The following MACROD2 variants were observed in gnomAD, a reference collection of about 807,000 sequenced individuals.
The protein encoded by MACROD2 is ADP-ribose glycohydrolase MACROD2.
A neutral mutation model predicts 70.4 loss-of-function variants in MACROD2; 36 were observed. The observed-to-expected ratio is 0.51, with a 90% CI of 0.39 to 0.68. The LOEUF is 0.68. Among genes scored for constraint, MACROD2 ranks in the 30% least tolerant of loss-of-function variants. The pLI, the probability that MACROD2 is intolerant of heterozygous loss-of-function variation, is 0.00. For missense variants in MACROD2, 496 were observed against 538.4 expected (o/e 0.92, Z 0.78); for synonymous variants, 172 against 178.8 (o/e 0.96, Z 0.30).
intron 5 of MACROD2, among the ~76,000 whole-genome samples, chr20:14,883,633 G>GTTTACTT (rs1407411862): frequency 6.6e-6 from 1 of 151,886 alleles, no homozygotes; most frequent in African/African-American, 2.4e-5. Context: ...ACAAAGAGTT[G>GTTTACTT]TTTACTTTCC....
intron 8 of MACROD2, among the ~76,000 whole-genome samples, chr20:15,526,808 C>A (rs1230140199): frequency 6.6e-6 from 1 of 152,086 alleles, no homozygotes; most frequent in African/African-American, 2.4e-5. Context: ...AGAGGATGCC[C>A]TTCTTTCCTA....
At chr20:15,909,745 G>A (rs6080015) in intron 10 of MACROD2, among the ~76,000 whole-genome samples, 1 of 151,626 alleles carries the variant, frequency 6.6e-6, no homozygotes, top group Admixed American at 6.6e-5. Context: ...GGATGGTCTC[G>A]ATCTCCTGAC....
chr20:14,974,535 T>G (rs2074720903), intron 5 of MACROD2, among the ~76,000 whole-genome samples: 1 of 152,128 alleles, frequency 6.6e-6, no homozygotes, highest in Admixed American at 6.5e-5. Flanking sequence ...TATCTGGGCC[T>G]TAGTGGCTGA....
At chr20:15,257,857 GTATTCCAGAAGA>G (rs2077213134) in intron 6 of MACROD2, among the ~76,000 whole-genome samples, 1 of 151,904 alleles carries the variant, frequency 6.6e-6, no homozygotes, top group Non-Finnish European at 1.5e-5. Context: ...CCTTCTGGAG[GTATTCCAGAAGA>G]AGGCACTGTT....
rs1568839692 is a variant in MACROD2 at position 14,862,239 on chromosome 20, ATT to A, written c.418+177282_418+177283del. ...TATATATAAATATATATAAATATATATTTATATATTAATATATATAAATATAT... is the reference window on the plus strand; with the variant it reads ...TATATATAAATATATATAAATATATATATATATTAATATATATAAATATAT... On this transcript the variant is annotated intron_variant, in intron 5 of 17. Transcript: ENST00000684519. Among the ~76,000 whole-genome samples the A allele has an allele frequency of 9.4e-5, 5 of 52,966 alleles. 1 individual carries two copies. The highest frequency in any genetic ancestry group is 2.4e-4 in the African/African-American group (3 of 12,472). The allele number at this position is 52,966 out of a possible 152,430, so 34.7% of individuals were successfully genotyped here.
chr20:15,037,008 G>GT (rs1458599705), intron 5 of MACROD2, among the ~76,000 whole-genome samples: 18 of 151,946 alleles, frequency 1.2e-4, no homozygotes, highest in South Asian at 8.3e-4. Context: ...TTTTTAATAA[G>GT]TTTTTTATTA....
At chr20:15,763,464 A>G (rs1379307153) in intron 8 of MACROD2, among the ~76,000 whole-genome samples, 3 of 152,228 alleles carry the variant, frequency 2.0e-5, no homozygotes, top group African/African-American at 4.8e-5. Context: ...ACACACACAT[A>G]CACACAAACA....
At chr20:15,764,026 G>A (rs2051481340) in intron 8 of MACROD2, among the ~76,000 whole-genome samples, 1 of 152,306 alleles carries the variant, frequency 6.6e-6, no homozygotes, top group African/African-American at 2.4e-5. Flanking sequence ...GTAAGTGGGA[G>A]GGTTGCAGGG....
intron 4 of MACROD2, among the ~76,000 whole-genome samples, chr20:14,603,249 G>A (rs6033985): frequency 6.6e-6 from 1 of 152,108 alleles, no homozygotes; most frequent in Non-Finnish European, 1.5e-5. Context: ...TGAAGCACTA[G>A]AGTGGGGAGG....
At chr20:15,776,286 C>A (rs1317571685) in intron 8 of MACROD2, among the ~76,000 whole-genome samples, 1 of 152,080 alleles carries the variant, frequency 6.6e-6, no homozygotes, top group Non-Finnish European at 1.5e-5. Flanking sequence ...TTGACACTTC[C>A]CTTACTCCCT....
chr20:15,243,311 C>G (rs1414710553), intron 6 of MACROD2, among the ~76,000 whole-genome samples: 1 of 152,104 alleles, frequency 6.6e-6, no homozygotes, highest in Admixed American at 6.5e-5. Flanking sequence ...TGTATTCTCT[C>G]TTGGATATGG....
At chr20:14,973,364 A>G (rs1208118849) in intron 5 of MACROD2, among the ~76,000 whole-genome samples, 1 of 151,522 alleles carries the variant, frequency 6.6e-6, no homozygotes, top group Non-Finnish European at 1.5e-5. Flanking sequence ...CTGGGACTGC[A>G]GGAGCGTGCC....
intron 5 of MACROD2, among the ~76,000 whole-genome samples, chr20:14,944,050 C>T (rs948915710): frequency 6.6e-6 from 1 of 152,174 alleles, no homozygotes; most frequent in Non-Finnish European, 1.5e-5. Flanking sequence ...TAATTAGTCA[C>T]TATCACAATC....
intron 5 of MACROD2, among the ~76,000 whole-genome samples, chr20:14,802,085 C>A (rs1427256788): frequency 6.6e-6 from 1 of 151,974 alleles, no homozygotes; most frequent in Non-Finnish European, 1.5e-5. Flanking sequence ...CTGGCAAGGG[C>A]ATCTCGGCCC....
At chr20:15,781,507 T>G (rs6043542) in intron 8 of MACROD2, among the ~76,000 whole-genome samples, 13,784 of 152,174 alleles carry the variant, frequency 0.091, 1,333 homozygotes, top group East Asian at 0.33. Flanking sequence ...GCTCAGTTTC[T>G]GATGAGGGCT....
chr20:14,569,949 A>T (rs1980077466), intron 4 of MACROD2, among the ~76,000 whole-genome samples: 1 of 152,092 alleles, frequency 6.6e-6, no homozygotes, highest in Non-Finnish European at 1.5e-5. Context: ...GTTCTACCAC[A>T]TCAGAAACAT....
intron 4 of MACROD2, among the ~76,000 whole-genome samples, chr20:14,552,519 AC>A (rs1978726780): frequency 6.6e-6 from 1 of 151,600 alleles, no homozygotes; most frequent in African/African-American, 2.4e-5. Context: ...CTTATTAAAA[AC>A]ACTGTCATAC....
At chr20:15,869,230 TATATATATAGAGAG>T (rs2064540711) in intron 9 of MACROD2, among the ~76,000 whole-genome samples, 1 of 37,688 alleles carries the variant, frequency 2.7e-5, no homozygotes, top group Admixed American at 3.0e-4. Context: ...TATATATATA[TATATATATAGAGAG>T]AGAGAGAGAG....
chr20:15,950,573 A>G (rs896813180), intron 12 of MACROD2, among the ~76,000 whole-genome samples: 5 of 152,196 alleles, frequency 3.3e-5, no homozygotes, highest in African/African-American at 9.7e-5. Flanking sequence ...AATCATGACA[A>G]TAGTTCATGT....
Sources: gnomAD v4.1 joint callset for allele counts (sites outside exome capture counted in the v4.1 genomes callset) on GRCh38, gnomAD v4.1.1 for gene constraint, MANE v1.5 for transcripts, NCBI Gene and HGNC (gene_info 2026-07-23, HGNC 2026-07-21) for gene names.